CDCP2: variants seen among roughly 807,000 people sequenced by gnomAD.
The protein encoded by CDCP2 is CUB domain containing protein 2.
Under a neutral mutation model 31.0 loss-of-function variants are expected in CDCP2, and 31 were observed. That is an observed-to-expected ratio of 1.00 (90% CI 0.75 to 1.35). CDCP2 has a LOEUF of 1.35. Ranked by LOEUF, CDCP2 falls within the 40% of genes most tolerant of loss-of-function variation. CDCP2 has a pLI of 0.00. For missense variants in CDCP2, 443 were observed against 482.6 expected, an observed-to-expected ratio of 0.92 and a Z score of 0.77; for synonymous variants, 206 against 207.9, an observed-to-expected ratio of 0.99 and a Z score of 0.08.
chr1:54,137,124 A>G (rs893874054), intron 4 of CDCP2, among the ~76,000 whole-genome samples: 3 of 152,256 alleles, frequency 2.0e-5, no homozygotes, highest in Non-Finnish European at 4.4e-5. Context: ...AATTATAAAA[A>G]TTCATCTGCT....
chr1:54,134,656 C>A (rs17109868), intron 5 of CDCP2, among the ~76,000 whole-genome samples: 2 of 152,214 alleles, frequency 1.3e-5, no homozygotes. Flanking sequence ...GCACCAGAGA[C>A]TGGGTGACCC....
chr1:54,142,439 A>G (rs1329397616), intron 2 of CDCP2: 1 of 152,250 alleles, frequency 6.6e-6, no homozygotes, highest in Non-Finnish European at 1.5e-5. Flanking sequence ...AACCAGCTTG[A>G]TCCACTGGGC....
downstream of CDCP2, chr1:54,132,854 G>C (rs979425570): frequency 5.0e-6 from 2 of 397,568 alleles, no homozygotes; most frequent in African/African-American, 4.1e-5. Flanking sequence ...GAGGCTCAGA[G>C]AGGGATATGA....
chr1:54,141,873 A>T (rs4927061), intron 2 of CDCP2: 84,590 of 158,872 alleles, frequency 0.53, 23,902 homozygotes, highest in Non-Finnish European at 0.64. Context: ...CTTGGGGGGA[A>T]CTCTGGGGAC....
intron 5 of CDCP2, among the ~76,000 whole-genome samples, chr1:54,135,033 GC>G (rs1220248390): frequency 6.6e-6 from 1 of 152,176 alleles, no homozygotes; most frequent in Admixed American, 6.5e-5. Flanking sequence ...CCCCAGAGGA[GC>G]TCCTGCTCCC....
At chr1:54,149,724 A>G (rs1318822762) in intron 1 of CDCP2, among the ~76,000 whole-genome samples, 1 of 152,248 alleles carries the variant, frequency 6.6e-6, no homozygotes, top group East Asian at 1.9e-4. Flanking sequence ...CCTGCTCTCT[A>G]TGAGAGCAAG....
chr1:54,151,967 A>G (rs920914561), intron 1 of CDCP2, among the ~76,000 whole-genome samples: 8 of 152,162 alleles, frequency 5.3e-5, no homozygotes, highest in Non-Finnish European at 8.8e-5. Flanking sequence ...AGCAGGGCTT[A>G]AGATCCCTGA....
intron 1 of CDCP2, among the ~76,000 whole-genome samples, chr1:54,146,700 G>T (rs1166417980): frequency 2.6e-5 from 4 of 151,738 alleles, no homozygotes; most frequent in African/African-American, 9.7e-5. Context: ...GCAATGTCTG[G>T]TACCAGGTTT....
intron 2 of CDCP2, chr1:54,142,331 A>G (rs1198187858): frequency 6.6e-6 from 1 of 152,250 alleles, no homozygotes; most frequent in Non-Finnish European, 1.5e-5. Flanking sequence ...ATCTGAAGAC[A>G]AGTAGTCTCC....
chr1:54,133,189 T>G (rs1659194820), exon 6 of CDCP2: 1 of 398,988 alleles, frequency 2.5e-6, no homozygotes, highest in African/African-American at 2.1e-5. Context: ...GAAGCCTCCT[T>G]GCGCCGTGGC....
rs58882302 is a variant in CDCP2 at position 54,133,922 on chromosome 1, C to CAAAAAAAAACAAAAAAAAA, written c.1297-629_1297-628insTTTTTTTTTGTTTTTTTTT. Among the ~76,000 whole-genome samples the CAAAAAAAAACAAAAAAAAA allele has an allele frequency of 4.0e-5, 6 of 148,576 alleles. No individual in the cohort carries two copies. The South Asian group carries it at 8.6e-4, about 21-fold the overall frequency. ...AAAACAAACAAACAAACAAAAAAAA[C>CAAAAAAAAACAAAAAAAAA]CCCATGTTACAGAGGAGGAAACTAA... is the stretch of plus-strand genomic sequence containing the variant. On this transcript the variant is annotated intron_variant, in intron 5 of 5. Transcript: ENST00000530059.
At chr1:54,139,384 T>C in intron 4 of CDCP2, 1 of 671,794 alleles carries the variant, frequency 1.5e-6, no homozygotes. Flanking sequence ...CCCACAGTTA[T>C]ACCAATTTTT....
intron 3 of CDCP2, 173 bp from the exon 4 acceptor site, chr1:54,140,279 T>G (rs1305062951): frequency 1.6e-6 from 1 of 620,542 alleles, no homozygotes; most frequent in African/African-American, 1.8e-5. Context: ...AAAGTTGGGA[T>G]GCTTGATCCC....
At chr1:54,144,100 C>T (rs17109914) in intron 2 of CDCP2, 6,492 of 191,510 alleles carry the variant, frequency 0.034, 195 homozygotes, top group African/African-American at 0.08. Context: ...CATTCCTGAG[C>T]GCAGTGCGAC....
chr1:54,134,747 G>GT (rs34182217), intron 5 of CDCP2, among the ~76,000 whole-genome samples: 4 of 9,418 alleles, frequency 4.2e-4, no homozygotes, highest in Middle Eastern at 0.083. Context: ...GTTTTGTTTT[G>GT]TTTTTTGAGA....
intron 5 of CDCP2, among the ~76,000 whole-genome samples, chr1:54,134,078 G>A (rs1184213320): frequency 6.6e-6 from 1 of 152,034 alleles, no homozygotes; most frequent in Non-Finnish European, 1.5e-5. Context: ...AAAGAATATA[G>A]AACCAAAGGG....
intron 4 of CDCP2, among the ~76,000 whole-genome samples, chr1:54,137,306 T>A (rs1659274657): frequency 6.6e-6 from 1 of 151,830 alleles, no homozygotes; most frequent in Non-Finnish European, 1.5e-5. Context: ...GGGCAATAAA[T>A]GTAAAATACA....
exon 3 of CDCP2, chr1:54,141,172 C>T (rs780860472): frequency 7.6e-6 from 12 of 1,581,790 alleles, no homozygotes; most frequent in Non-Finnish European, 1.0e-5. Flanking sequence ...CAGTTCGTGG[C>T]CCAGAGACAC....
intron 5 of CDCP2, among the ~76,000 whole-genome samples, chr1:54,133,851 G>A (rs999124279): frequency 4.6e-5 from 7 of 151,586 alleles, no homozygotes; most frequent in Admixed American, 1.3e-4. Flanking sequence ...AGCTGAGATC[G>A]AGCCACTGCA....
Sources: gnomAD v4.1 joint callset for allele counts (sites outside exome capture counted in the v4.1 genomes callset) on GRCh38, gnomAD v4.1.1 for gene constraint, MANE v1.5 for transcripts, NCBI Gene and HGNC (gene_info 2026-07-23, HGNC 2026-07-21) for gene names.